KCNMA1: variants seen among roughly 807,000 people sequenced by gnomAD.
KCNMA1 encodes the protein Calcium-activated potassium channel subunit alpha-1.
A neutral mutation model predicts 140.0 loss-of-function variants in KCNMA1; 29 were observed. The ratio of observed to expected loss-of-function variants is 0.21; its 90% CI spans 0.15 to 0.28. KCNMA1 has a LOEUF of 0.28. Ranked by LOEUF, KCNMA1 falls within the 10% of genes least tolerant of loss-of-function variation. The pLI, the probability that KCNMA1 is intolerant of heterozygous loss-of-function variation, is 1.00. For synonymous variants in KCNMA1, 612 were observed against 611.9 expected, an observed-to-expected ratio of 1.00 and a Z score of 0.00; for missense variants, 880 against 1,602.2, an observed-to-expected ratio of 0.55 and a Z score of 7.70.
intron 20 of KCNMA1, among the ~76,000 whole-genome samples, chr10:76,957,498 A>AAT (rs772636408): frequency 6.6e-6 from 1 of 152,222 alleles, no homozygotes; most frequent in Non-Finnish European, 1.5e-5. Flanking sequence ...TTGTTATAAA[A>AAT]ATTGAAAGTA....
chr10:77,517,703 C>T (rs979757395), intron 1 of KCNMA1, among the ~76,000 whole-genome samples: 1 of 152,160 alleles, frequency 6.6e-6, no homozygotes, highest in Admixed American at 6.5e-5. Context: ...CTCCTCCCAC[C>T]GTCTGCCTTG....
intron 25 of KCNMA1, among the ~76,000 whole-genome samples, chr10:76,896,871 C>A (rs1412495450): frequency 2.0e-5 from 3 of 151,298 alleles, no homozygotes; most frequent in Middle Eastern, 3.4e-3. Flanking sequence ...AAAAAAAAAA[C>A]CACTGAATCG....
intron 1 of KCNMA1, among the ~76,000 whole-genome samples, chr10:77,461,858 G>A (rs2097876339): frequency 1.3e-5 from 2 of 152,098 alleles, no homozygotes; most frequent in South Asian, 4.1e-4. Context: ...CTTCCCCAGG[G>A]GACATGTCCT....
intron 1 of KCNMA1, among the ~76,000 whole-genome samples, chr10:77,538,724 T>C (rs1437864669): frequency 2.0e-5 from 3 of 151,880 alleles, no homozygotes; most frequent in Non-Finnish European, 4.4e-5. Flanking sequence ...ACAGACTCCA[T>C]GGATCTCCTT....
At chr10:77,461,388 T>G (rs549465784) in intron 1 of KCNMA1, among the ~76,000 whole-genome samples, 1 of 152,256 alleles carries the variant, frequency 6.6e-6, no homozygotes, top group African/African-American at 2.4e-5. Context: ...TCCTGTTAAA[T>G]GATGAGATGA....
At chr10:77,365,088 C>A (rs2094258115) in intron 2 of KCNMA1, among the ~76,000 whole-genome samples, 1 of 152,162 alleles carries the variant, frequency 6.6e-6, no homozygotes, top group Non-Finnish European at 1.5e-5. Flanking sequence ...AAGGGCACAG[C>A]TGGGGAGTAA....
At chr10:77,076,140 T>C (rs1292246040) in intron 13 of KCNMA1, among the ~76,000 whole-genome samples, 1 of 151,890 alleles carries the variant, frequency 6.6e-6, no homozygotes, top group Non-Finnish European at 1.5e-5. Context: ...GAGGAAACGA[T>C]TTAATACAAT....
At chr10:77,384,236 T>C (rs1380654961) in intron 2 of KCNMA1, among the ~76,000 whole-genome samples, 4 of 152,204 alleles carry the variant, frequency 2.6e-5, no homozygotes, top group Non-Finnish European at 5.9e-5. Context: ...GAACATGACC[T>C]CAATGGCAGA....
At chr10:77,524,555 G>T (rs1242791211) in intron 1 of KCNMA1, among the ~76,000 whole-genome samples, 1 of 152,156 alleles carries the variant, frequency 6.6e-6, no homozygotes, top group African/African-American at 2.4e-5. Flanking sequence ...AGAAACCGCA[G>T]CCTGAATTTA....
intron 2 of KCNMA1, among the ~76,000 whole-genome samples, chr10:77,351,463 C>A (rs1173553397): frequency 6.6e-6 from 1 of 152,212 alleles, no homozygotes; most frequent in Admixed American, 6.5e-5. Flanking sequence ...CTCACTAGAG[C>A]TCTGAGTGTG....
At chr10:77,097,005 C>T (rs150783941) in intron 9 of KCNMA1, among the ~76,000 whole-genome samples, 465 of 152,218 alleles carry the variant, frequency 3.1e-3, no homozygotes, top group Non-Finnish European at 5.4e-3. Flanking sequence ...AGAGACCCAA[C>T]GACCTAAACC....
intron 3 of KCNMA1, among the ~76,000 whole-genome samples, chr10:77,224,412 G>T (rs1317586451): frequency 6.6e-6 from 1 of 152,206 alleles, no homozygotes; most frequent in Non-Finnish European, 1.5e-5. Flanking sequence ...AAGCCCCCTG[G>T]ATGCAAAGGC....
intron 1 of KCNMA1, among the ~76,000 whole-genome samples, chr10:77,441,952 C>T (rs778696045): frequency 4.6e-5 from 7 of 152,130 alleles, no homozygotes; most frequent in Non-Finnish European, 1.0e-4. Flanking sequence ...CCTGAGCCAC[C>T]ACAGCCTCAG....
chr10:77,257,436 T>C (rs1298688200), intron 2 of KCNMA1, among the ~76,000 whole-genome samples: 4 of 152,030 alleles, frequency 2.6e-5, no homozygotes, highest in African/African-American at 4.8e-5. Context: ...ATCTCCAGGA[T>C]ATAAAGGAAG....
chr10:77,307,751 G>T (rs189701052), intron 2 of KCNMA1, among the ~76,000 whole-genome samples: 6 of 152,152 alleles, frequency 3.9e-5, no homozygotes, highest in Admixed American at 3.9e-4. Flanking sequence ...GGGTTTCACC[G>T]TGTTAGCCAG....
chr10:77,427,973 G>C (rs1451844241), intron 1 of KCNMA1, among the ~76,000 whole-genome samples: 1 of 151,962 alleles, frequency 6.6e-6, no homozygotes, highest in Non-Finnish European at 1.5e-5. Context: ...GGATGGTCTT[G>C]ATCTCCTGAC....
At chr10:77,624,913 A>G (rs1210286761) in intron 1 of KCNMA1, among the ~76,000 whole-genome samples, 1 of 151,986 alleles carries the variant, frequency 6.6e-6, no homozygotes, top group African/African-American at 2.4e-5. Flanking sequence ...AGGGGCTGCA[A>G]TCTTTAGAGG....
intron 6 of KCNMA1, among the ~76,000 whole-genome samples, chr10:77,115,596 T>C (rs1365825268): frequency 6.6e-6 from 1 of 152,132 alleles, no homozygotes; most frequent in African/African-American, 2.4e-5. Flanking sequence ...CCAACAACCA[T>C]GTAGAGTCCT....
At chr10:76,936,218 T>C (rs552348575) in intron 23 of KCNMA1, among the ~76,000 whole-genome samples, 5 of 152,340 alleles carry the variant, frequency 3.3e-5, no homozygotes, top group African/African-American at 9.6e-5. Flanking sequence ...GCAGGCCCCT[T>C]TCTGTACTTG....
Sources: allele counts gnomAD v4.1 joint callset (sites outside exome capture counted in the v4.1 genomes callset), GRCh38; gene constraint gnomAD v4.1.1; transcripts MANE v1.5; gene names NCBI Gene and HGNC (gene_info 2026-07-23, HGNC 2026-07-21).